The following PTPRN2 variants were observed in gnomAD, a reference collection of about 807,000 sequenced individuals.
The protein encoded by PTPRN2 is receptor-type tyrosine-protein phosphatase N2.
PTPRN2 carries 74 observed loss-of-function variants against 118.8 expected under a neutral mutation model. The observed-to-expected ratio is 0.62, with a 90% CI of 0.52 to 0.76. PTPRN2 has a LOEUF of 0.76. Ranked by LOEUF, PTPRN2 falls within the 30% of genes least tolerant of loss-of-function variation. PTPRN2 has a pLI of 0.00. For synonymous variants in PTPRN2, 641 were observed against 608.0 expected (o/e 1.05, Z -0.80); for missense variants, 1,481 against 1,394.4 (o/e 1.06, Z -0.99).
At position 158,022,324 on chromosome 7, in the gene PTPRN2, A is replaced by G. The variant is rs1806943241; in HGVS notation, c.1723+58974T>C. ...TCCATCCTTCCTGACGGCCTCCACC[A>G]CGAGACTTCAGGTCATCCTTTAATG... On this transcript the variant is annotated intron_variant, in intron 11 of 22. Transcript: ENST00000389418. The surrounding 1 kb of genome is among the most constrained non-coding windows in gnomAD (Gnocchi z 4.6). Among the ~76,000 whole-genome samples the G allele has an allele frequency of 6.6e-6, 1 of 152,150 alleles. No homozygotes were observed. Among genetic ancestry groups the G allele is most frequent in the Non-Finnish European group, 1.5e-5 (1 of 68,030 alleles).
chr7:158,062,657 A>G (rs1810440587), intron 11 of PTPRN2, among the ~76,000 whole-genome samples: 1 of 152,094 alleles, frequency 6.6e-6, no homozygotes, highest in African/African-American at 2.4e-5. Flanking sequence ...GGCAGGCCCC[A>G]CACTCGGAGC....
intron 11 of PTPRN2, among the ~76,000 whole-genome samples, chr7:157,968,782 T>C (rs1802117555): frequency 6.6e-6 from 1 of 152,114 alleles, no homozygotes; most frequent in South Asian, 2.1e-4. Context: ...TTGCTGTGTG[T>C]AGAGTGAAGA....
chr7:158,372,469 C>T (rs1255201815), intron 2 of PTPRN2, among the ~76,000 whole-genome samples: 2 of 150,010 alleles, frequency 1.3e-5, no homozygotes, highest in African/African-American at 2.5e-5. Context: ...TGGAGCTGAT[C>T]CCCCCAATGC....
Position 157,974,059 on chromosome 7 carries a change from G to C in PTPRN2, c.1724-75322C>G, listed in dbSNP as rs996259815. ...GCTGTTGACGTTGGCGGGGTAGCAG[G>C]TGTGGCCATAACATGGAGCACAGGC... On this transcript the variant is annotated intron_variant, in intron 11 of 22. Transcript: ENST00000389418. The surrounding 1 kb of genome is among the most constrained non-coding windows in gnomAD (Gnocchi z 4.0). Among the ~76,000 whole-genome samples, 1 of 152,038 alleles carries C rather than the reference G, an allele frequency of 6.6e-6. No homozygotes were observed. Among genetic ancestry groups the C allele is most frequent in the Non-Finnish European group, 1.5e-5 (1 of 68,042 alleles).
intron 13 of PTPRN2, among the ~76,000 whole-genome samples, chr7:157,663,820 TA>T (rs1183691453): frequency 6.6e-6 from 1 of 152,262 alleles, no homozygotes; most frequent in Non-Finnish European, 1.5e-5. Flanking sequence ...GGAAATTCTA[TA>T]GTCTGTCCAT....
rs138833117 is a variant in PTPRN2, at chr7:157,771,955, TACAG to T, written c.1789-89022_1789-89019del. On this transcript the variant is annotated intron_variant, in intron 12 of 22. Coordinates refer to ENST00000389418, the MANE Select transcript of PTPRN2 (RefSeq NM_002847.5). ...ACACAGACACATACAAAGACACACA[TACAG>T]ACAGACACACACACATACACACGGA... Among the ~76,000 whole-genome samples the T allele has an allele frequency of 2.3e-3, 259 of 114,876 alleles. 1 individual carries two copies. Among genetic ancestry groups the T allele is most frequent in the East Asian group, 4.1e-3 (15 of 3,680 alleles). The allele number at this position is 114,876 out of a possible 152,430, so 75.4% of individuals were successfully genotyped here. A position where few individuals can be genotyped will look rare whatever the true frequency, so the allele number is the denominator to read the frequency against.
intron 1 of PTPRN2, 29 bp downstream of exon 1, chr7:158,587,529 G>A (rs1829044297): frequency 8.2e-7 from 1 of 1,226,838 alleles, no homozygotes; most frequent in Non-Finnish European, 1.0e-6. Context: ...ATTCATTGAG[G>A]CGCCCCTCCC....
chr7:158,347,119 T>C (rs1473532864), intron 2 of PTPRN2, among the ~76,000 whole-genome samples: 1 of 152,154 alleles, frequency 6.6e-6, no homozygotes, highest in African/African-American at 2.4e-5. Flanking sequence ...ATCCCATTTG[T>C]TTATTTTTGA....
rs59513609 is a variant in PTPRN2 at position 158,003,197 on chromosome 7, G to A, written c.1723+78101C>T. On this transcript the variant is annotated intron_variant, in intron 11 of 22. Coordinates refer to ENST00000389418, the MANE Select transcript of PTPRN2 (RefSeq NM_002847.5). This position sits in a 1 kb window ranked among gnomAD's most constrained non-coding sequence, Gnocchi z 5.0. Reference sequence around the variant, plus strand: ...TGGGAGGCCGAGACGGGCGGATCACGAGGTCAGGAGATCGAGACCATCTTG... The same window carrying A: ...TGGGAGGCCGAGACGGGCGGATCACAAGGTCAGGAGATCGAGACCATCTTG... Among the ~76,000 whole-genome samples, 12 of 151,958 alleles carry A rather than the reference G, an allele frequency of 7.9e-5. No homozygotes were observed. The highest frequency in any genetic ancestry group is 2.2e-4 in the African/African-American group (9 of 41,456).
Position 158,587,654 on chromosome 7 carries a change from G to T in PTPRN2, c.16C>A (p.Pro6Thr). ...AGCAGCAGTAGCAGCAGCAGCAGCG[G>T]GAGCGGCGGCCCCATCCCCGCGGCC... MGPPL[P>T]LLLLLLLLLP... is the part of the protein sequence containing the mutation. Residue 6 changes from proline to threonine, a missense_variant, in exon 1 of 23, where the codon CCG (proline) becomes ACG (threonine). Pro to Thr is a conservative substitution (Grantham distance 38, BLOSUM62 -1). Around this residue, in one of 3 missense-constraint regions of PTPRN2, gnomAD observed 1,115 missense variants for 994.2 expected, o/e 1.12. Transcript: ENST00000389418. The T allele has an allele frequency of 7.4e-7, 1 of 1,357,586 alleles. No individual in the cohort carries two copies. The highest frequency in any genetic ancestry group is 9.5e-7 in the Non-Finnish European group (1 of 1,057,528). The allele number at this position is 1,357,586 out of a possible 1,614,324, so 84.1% of individuals were successfully genotyped here. A position where few individuals can be genotyped will look rare whatever the true frequency, so the allele number is the denominator to read the frequency against.
chr7:158,325,344 T>C (rs143958027), intron 2 of PTPRN2, among the ~76,000 whole-genome samples: 20 of 143,590 alleles, frequency 1.4e-4, no homozygotes, highest in Non-Finnish European at 2.7e-4. Context: ...CTAATATCTT[T>C]ACCTACTTTT....
intron 1 of PTPRN2, among the ~76,000 whole-genome samples, chr7:158,533,932 T>C (rs1200966248): frequency 6.6e-6 from 1 of 152,236 alleles, no homozygotes; most frequent in Non-Finnish European, 1.5e-5. Flanking sequence ...CCACTGCCTT[T>C]GCTGGGGATG....
At chr7:157,679,804 G>T (rs1237197537) in intron 13 of PTPRN2, among the ~76,000 whole-genome samples, 2 of 152,104 alleles carry the variant, frequency 1.3e-5, no homozygotes, top group Non-Finnish European at 2.9e-5. Flanking sequence ...CAACATGAGG[G>T]CCCCCCAGGT....
At chr7:157,572,335 C>G (rs1279577881) in intron 19 of PTPRN2, among the ~76,000 whole-genome samples, 2 of 152,142 alleles carry the variant, frequency 1.3e-5, no homozygotes, top group African/African-American at 4.8e-5. Flanking sequence ...GGAGAGTGTT[C>G]TACAATGTGC....
At chr7:158,228,320 T>A (rs1044110148) in intron 3 of PTPRN2, among the ~76,000 whole-genome samples, 1 of 152,150 alleles carries the variant, frequency 6.6e-6, no homozygotes, top group Non-Finnish European at 1.5e-5. Context: ...TTACTGAGAA[T>A]GTTCAGAGAT....
chr7:157,751,453 G>A (rs886432794), intron 12 of PTPRN2, among the ~76,000 whole-genome samples: 1 of 152,190 alleles, frequency 6.6e-6, no homozygotes, highest in African/African-American at 2.4e-5. Flanking sequence ...GAGGCTGAGC[G>A]TGTGCAGGGA....
At chr7:157,753,526 G>A (rs535532597) in intron 12 of PTPRN2, among the ~76,000 whole-genome samples, 4 of 152,254 alleles carry the variant, frequency 2.6e-5, no homozygotes, top group East Asian at 1.9e-4. Context: ...AGTGGCCTCC[G>A]TCTGGGCCGC....
At chr7:158,585,700 T>C (rs1475851158) in intron 1 of PTPRN2, among the ~76,000 whole-genome samples, 2 of 152,246 alleles carry the variant, frequency 1.3e-5, no homozygotes, top group Non-Finnish European at 2.9e-5. Context: ...TGACTTTCTC[T>C]GTGATTTTGG....
chr7:157,548,923 C>T (rs761471107), intron 22 of PTPRN2, 23 bp downstream of exon 22: 2 of 1,610,736 alleles, frequency 1.2e-6, no homozygotes, highest in Non-Finnish European at 1.7e-6. Flanking sequence ...GGGTCTGCGT[C>T]CCGGAGGAGA....
Sources: gnomAD v4.1 joint callset for allele counts (sites outside exome capture counted in the v4.1 genomes callset) on GRCh38, gnomAD v4.1.1 for gene constraint, gnomAD v4.1.1 regional missense constraint, Gnocchi (gnomAD v3.1) non-coding constraint, MANE v1.5 for transcripts, NCBI Gene and HGNC (gene_info 2026-07-23, HGNC 2026-07-21) for gene names.